The following SLC14A2 variants were observed in gnomAD, a reference collection of about 807,000 sequenced individuals.
SLC14A2 encodes solute carrier family 14 member 2.
A neutral mutation model predicts 104.6 loss-of-function variants in SLC14A2; 91 were observed. The ratio of observed to expected loss-of-function variants is 0.87; its 90% CI spans 0.73 to 1.04. The LOEUF is 1.04. Among genes scored for constraint, SLC14A2 ranks in the 50% least tolerant of loss-of-function variants. The probability of loss-of-function intolerance (pLI) is 0.00; values close to 1 mark genes in which losing one functional copy is unlikely to be tolerated. For synonymous variants in SLC14A2, 476 were observed against 466.4 expected (o/e 1.02, Z -0.27); for missense variants, 1,189 against 1,156.0 (o/e 1.03, Z -0.41).
chr18:45,368,632 G>A (rs1352135973), intron 1 of SLC14A2, among the ~76,000 whole-genome samples: 1 of 152,188 alleles, frequency 6.6e-6, no homozygotes, highest in African/African-American at 2.4e-5. Flanking sequence ...GTCAAAGCTA[G>A]AAAGGTTTGG....
At chr18:45,254,936 C>G (rs572772180) in intron 1 of SLC14A2, among the ~76,000 whole-genome samples, 1 of 152,182 alleles carries the variant, frequency 6.6e-6, no homozygotes, top group African/African-American at 2.4e-5. Flanking sequence ...ACATTTACTC[C>G]GATTGATTCC....
chr18:45,176,630 G>A, the SLC14A2 span, among the ~76,000 whole-genome samples: 4 of 152,146 alleles, frequency 2.6e-5, no homozygotes, highest in Non-Finnish European at 4.4e-5. Flanking sequence ...CTTATTTGAC[G>A]TTGTTGACCA....
Position 45,241,634 on chromosome 18 carries a change from T to C in SLC14A2, c.-125+28443T>C, listed in dbSNP as rs2084317315. On this transcript the variant is annotated intron_variant, in intron 1 of 20. Coordinates refer to the SLC14A2 transcript ENST00000586448. ...CTTATTTGATTTTCTTTTCTTTTCT[T>C]TTCTCTTTTTTTTTTTTTTTTTTTT... Among the ~76,000 whole-genome samples the C allele has an allele frequency of 3.4e-5, 5 of 146,042 alleles. No individual in the cohort carries two copies. The South Asian group carries it at 1.1e-3, about 31-fold the overall frequency.
rs77020015 is a variant in SLC14A2, at chr18:45,291,587, G to A, written c.-125+78396G>A. Among the ~76,000 whole-genome samples the A allele has an allele frequency of 7.3e-3, 1,109 of 152,276 alleles. 11 individuals carry two copies. The highest frequency in any genetic ancestry group is 0.025 in the African/African-American group (1,026 of 41,546). On this transcript the variant is annotated intron_variant, in intron 1 of 20. Coordinates refer to the SLC14A2 transcript ENST00000586448. ...AGTGTCCTCAGAGGCAAGAGGGGAC[G>A]ATATTAGAAAATCCTGACAGCAAAG...
At chr18:45,608,508 C>T (rs1371113216) in intron 2 of SLC14A2, among the ~76,000 whole-genome samples, 5 of 152,140 alleles carry the variant, frequency 3.3e-5, no homozygotes, top group African/African-American at 7.2e-5. Flanking sequence ...CTGCTATGAC[C>T]GTCCCAGTGC....
chr18:45,678,823 G>A, intron 18 of SLC14A2, 152 bp from the exon 19 acceptor site: 1 of 676,090 alleles, frequency 1.5e-6, no homozygotes, highest in Non-Finnish European at 2.4e-6. Context: ...TTTTAAAGCT[G>A]CCAAGCAATG....
At chr18:45,391,766 T>G (rs1432662090) in intron 1 of SLC14A2, among the ~76,000 whole-genome samples, 2 of 152,222 alleles carry the variant, frequency 1.3e-5, no homozygotes, top group African/African-American at 4.8e-5. Flanking sequence ...CACTTTTTGA[T>G]GGGGTTGTTT....
intron 2 of SLC14A2, among the ~76,000 whole-genome samples, chr18:45,580,407 G>A (rs2044473308): frequency 6.6e-6 from 1 of 152,226 alleles, no homozygotes; most frequent in South Asian, 2.1e-4. Context: ...GAAAGGTTAG[G>A]AAAGGACAGT....
chr18:45,563,925 G>A (rs1231683378), intron 2 of SLC14A2, among the ~76,000 whole-genome samples: 1 of 152,192 alleles, frequency 6.6e-6, no homozygotes, highest in Non-Finnish European at 1.5e-5. Flanking sequence ...TATGAGCTAT[G>A]AGATTTCAGG....
chr18:45,378,682 G>T (rs1016810278), intron 1 of SLC14A2, among the ~76,000 whole-genome samples: 1 of 152,182 alleles, frequency 6.6e-6, no homozygotes, highest in South Asian at 2.1e-4. Flanking sequence ...TGAGAGGAGG[G>T]GACATGTCTG....
intron 2 of SLC14A2, among the ~76,000 whole-genome samples, chr18:45,587,421 T>C (rs1161892454): frequency 2.0e-5 from 3 of 152,216 alleles, no homozygotes; most frequent in Admixed American, 6.5e-5. Flanking sequence ...TTTTGGGGCA[T>C]ATGGTTAAAA....
At chr18:45,640,829 T>C (rs1363790305) in intron 7 of SLC14A2, among the ~76,000 whole-genome samples, 1 of 152,224 alleles carries the variant, frequency 6.6e-6, no homozygotes, top group Non-Finnish European at 1.5e-5. Flanking sequence ...AGGGATATTT[T>C]TCCAGAGCAC....
At chr18:45,274,396 G>C (rs1317596190) in intron 1 of SLC14A2, among the ~76,000 whole-genome samples, 1 of 152,074 alleles carries the variant, frequency 6.6e-6, no homozygotes, top group Non-Finnish European at 1.5e-5. Context: ...GAAGTCTTTG[G>C]GGTTAAATGA....
intron 10 of SLC14A2, among the ~76,000 whole-genome samples, chr18:45,648,727 A>G (rs2045672184): frequency 7.8e-6 from 1 of 127,760 alleles, no homozygotes; most frequent in African/African-American, 2.7e-5. Flanking sequence ...ACCTTTTCAC[A>G]TCTTATGTAA....
intron 1 of SLC14A2, among the ~76,000 whole-genome samples, chr18:45,276,505 A>G (rs1391559916): frequency 6.6e-6 from 1 of 152,232 alleles, no homozygotes; most frequent in Non-Finnish European, 1.5e-5. Context: ...TACAGATAAT[A>G]GCAGTCAGAA....
intron 1 of SLC14A2, among the ~76,000 whole-genome samples, chr18:45,227,548 G>A (rs2084131791): frequency 6.6e-6 from 1 of 152,172 alleles, no homozygotes; most frequent in Non-Finnish European, 1.5e-5. Flanking sequence ...CTTTTATTTG[G>A]GCCTTAATCC....
chr18:45,275,897 C>T (rs1055861575), intron 1 of SLC14A2, among the ~76,000 whole-genome samples: 1 of 152,074 alleles, frequency 6.6e-6, no homozygotes, highest in African/African-American at 2.4e-5. Flanking sequence ...TTGAGAAATG[C>T]TAAGAAGAAA....
chr18:45,412,747 A>G (rs2086228011), intron 1 of SLC14A2, among the ~76,000 whole-genome samples: 1 of 152,214 alleles, frequency 6.6e-6, no homozygotes, highest in Non-Finnish European at 1.5e-5. Flanking sequence ...AGGCTGAGTC[A>G]TAGGGACTTG....
intron 1 of SLC14A2, among the ~76,000 whole-genome samples, chr18:45,393,366 G>A (rs1411860593): frequency 6.6e-6 from 1 of 152,112 alleles, no homozygotes; most frequent in Non-Finnish European, 1.5e-5. Context: ...TTTGCCAGTG[G>A]TTGATTCATT....
Sources: allele counts gnomAD v4.1 joint callset (sites outside exome capture counted in the v4.1 genomes callset), GRCh38; gene constraint gnomAD v4.1.1; transcripts MANE v1.5; gene names NCBI Gene and HGNC (gene_info 2026-07-23, HGNC 2026-07-21).